APEH: variants seen among roughly 807,000 people sequenced by gnomAD.
APEH encodes acylamino-acid-releasing enzyme.
A neutral mutation model predicts 102.7 loss-of-function variants in APEH; 75 were observed. The observed-to-expected ratio is 0.73, with a 90% CI of 0.61 to 0.89. The LOEUF is 0.89. Among genes scored for constraint, APEH ranks in the 40% least tolerant of loss-of-function variants. The pLI, the probability that APEH is intolerant of heterozygous loss-of-function variation, is 0.00. For synonymous variants in APEH, 344 were observed against 362.7 expected, an observed-to-expected ratio of 0.95 and a Z score of 0.59; for missense variants, 863 against 941.2, an observed-to-expected ratio of 0.92 and a Z score of 1.09.
At chr3:49,674,443 C>T (rs777137098) in intron 1 of APEH, 30 bp downstream of exon 1, 2 of 1,572,276 alleles carry the variant, frequency 1.3e-6, no homozygotes, top group Non-Finnish European at 8.6e-7. Flanking sequence ...TCCCCGTGGT[C>T]CCTGCAGCCC....
rs995926693 is a variant in APEH, at chr3:49,679,039, G to C, written c.1158+90G>C. 7 of 1,065,308 alleles carry C rather than the reference G, an allele frequency of 6.6e-6. No individual in the cohort carries two copies. The allele number at this position is 1,065,308 out of a possible 1,614,324, so 66.0% of individuals were successfully genotyped here. A position where few individuals can be genotyped will look rare whatever the true frequency, so the allele number is the denominator to read the frequency against. Reference sequence around the variant, plus strand: ...GCATGTGCATGCCCCTGGGTGGAATGCCCAGCCACAAAGTCTCATCAGCCC... The same window carrying C: ...GCATGTGCATGCCCCTGGGTGGAATCCCCAGCCACAAAGTCTCATCAGCCC... On this transcript the variant is annotated intron_variant, in intron 12 of 21. Coordinates refer to ENST00000296456, the MANE Select transcript of APEH (RefSeq NM_001640.4). The surrounding 1 kb of genome is among the most constrained non-coding windows in gnomAD (Gnocchi z 4.3).
chr3:49,676,580 T>G (rs757793811), intron 7 of APEH, 29 bp from the exon 8 acceptor site: 4 of 1,614,108 alleles, frequency 2.5e-6, no homozygotes, highest in Admixed American at 1.7e-5. Flanking sequence ...CACCCCTTGC[T>G]CACTCCTGCC....
upstream of APEH, among the ~76,000 whole-genome samples, chr3:49,673,801 C>CCTCACG (rs3834791): frequency 0.27 from 39,700 of 145,554 alleles, 5,975 homozygotes; most frequent in African/African-American, 0.32. Flanking sequence ...CAACCCTCAC[C>CCTCACG]CTCACGCTCA....
Position 49,679,491 on chromosome 3 carries a change from C to T in APEH, c.1159-102C>T, listed in dbSNP as rs2053224697. ...ATAGCTGTCCACAGCCTTGGTCTGG[C>T]CAGGGCTCTCCAAGAGGGTAGAGAG... On this transcript the variant is annotated intron_variant, in intron 12 of 21. Transcript: ENST00000296456. This position sits in a 1 kb window ranked among gnomAD's most constrained non-coding sequence, Gnocchi z 4.3. 1.6e-6 allele frequency: 2 copies of T among 1,274,576 alleles called. No homozygotes were observed. Among genetic ancestry groups the T allele is most frequent in the Non-Finnish European group, 2.3e-6 (2 of 881,774 alleles). 79.0% of individuals were successfully genotyped at this position (1,274,576 alleles called of 1,614,324 possible). A position where few individuals can be genotyped will look rare whatever the true frequency, so the allele number is the denominator to read the frequency against.
At position 49,676,459 on chromosome 3, in the gene APEH, G is replaced by C; in HGVS notation, c.688G>C (p.Glu230Gln). 1 of 1,614,248 alleles carries C rather than the reference G, an allele frequency of 6.2e-7. No individual in the cohort carries two copies. Among genetic ancestry groups the C allele is most frequent in the Non-Finnish European group, 8.5e-7 (1 of 1,180,040 alleles). ...CCCTGTGCTCTGCGTGCTGGATGTC[G>C]AGAGTGGCAACATCTCTGTGCTTGA... Reference protein sequence around the residue: ...SIPVLCVLDVESGNISVLEGV... With the variant: ...SIPVLCVLDVQSGNISVLEGV... The change falls in exon 7 of 22, where the codon GAG becomes CAG. Residue 230 changes from glutamate to glutamine, a missense_variant. By Grantham distance (29) the Glu-to-Gln change is conservative. Coordinates refer to ENST00000296456, the MANE Select transcript of APEH (RefSeq NM_001640.4).
intron 13 of APEH, 123 bp from the exon 14 acceptor site, chr3:49,680,418 G>A: frequency 1.2e-6 from 1 of 818,510 alleles, no homozygotes; most frequent in South Asian, 1.5e-5. Context: ...TTTGTGAAAG[G>A]CACTTCTCGG....
At position 49,683,061 on chromosome 3, in the gene APEH, A is replaced by T. The variant is rs768683557; in HGVS notation, c.2008A>T (p.Met670Leu). The change falls in exon 21 of 22, where the codon ATG becomes TTG. Residue 670 changes from methionine to leucine, a missense_variant. Physicochemically the swap from Met to Leu is conservative, Grantham distance 15. Coordinates refer to ENST00000296456, the MANE Select transcript of APEH (RefSeq NM_001640.4). The part of the protein sequence containing the change: ...IPQVKTPLLL[M>L]LGQEDRRVPF... ...CCAGGTGAAGACACCACTGTTACTG[A>T]TGTTGGGCCAGGAGGACCGGCGTGT... 7.4e-6 allele frequency: 12 copies of T among 1,613,890 alleles called. No homozygotes were observed.
In APEH at chr3:49,679,637, C is replaced by T. The variant is rs769034769; in HGVS notation, c.1203C>T (p.Leu401=). 6.2e-7 allele frequency: 1 copy of T among 1,613,828 alleles called. No individual in the cohort carries two copies. The highest frequency in any genetic ancestry group is 8.5e-7 in the Non-Finnish European group (1 of 1,179,792). Residue 401 remains leucine (L), a synonymous_variant, in exon 13 of 22, where the codon CTC becomes CTT. Coordinates refer to ENST00000296456, the MANE Select transcript of APEH (RefSeq NM_001640.4). This position sits in a 1 kb window ranked among gnomAD's most constrained non-coding sequence, Gnocchi z 4.3. Reference sequence around the variant, plus strand: ...CCCAAGTGGGCACTGTGACCTCCCTCACAGCTGGTGAGCAAGGCTTTGGGG... The same window carrying T: ...CCCAAGTGGGCACTGTGACCTCCCTTACAGCTGGTGAGCAAGGCTTTGGGG... ...VDTQVGTVTS[L]TAGGSGGSWK...
At position 49,679,762 on chromosome 3, in the gene APEH, C is replaced by A; in HGVS notation, c.1210+118C>A. The A allele has an allele frequency of 9.4e-7, 1 of 1,063,120 alleles. No individual in the cohort carries two copies. Among genetic ancestry groups the A allele is most frequent in the East Asian group, 2.6e-5 (1 of 38,844 alleles). The allele number at this position is 1,063,120 out of a possible 1,614,324, so 65.9% of individuals were successfully genotyped here. A position where few individuals can be genotyped will look rare whatever the true frequency, so the allele number is the denominator to read the frequency against. ...GATGGCATTCTCAGCCACTCAGCACCACTGACTGTTCCACAGCCTTTACTA... is the reference window on the plus strand; with the variant it reads ...GATGGCATTCTCAGCCACTCAGCACAACTGACTGTTCCACAGCCTTTACTA... On this transcript the variant is annotated intron_variant, in intron 13 of 21. Coordinates refer to ENST00000296456, the MANE Select transcript of APEH (RefSeq NM_001640.4). The surrounding 1 kb of genome is among the most constrained non-coding windows in gnomAD (Gnocchi z 4.3).
At position 49,678,922 on chromosome 3, in the gene APEH, C is replaced by CT; in HGVS notation, c.1134dup (p.Asp379Ter). 1 of 1,613,874 alleles carries CT rather than the reference C, an allele frequency of 6.2e-7. No homozygotes were observed. Among genetic ancestry groups the CT allele is most frequent in the Non-Finnish European group, 8.5e-7 (1 of 1,179,948 alleles). On this transcript the variant is annotated frameshift_variant, in exon 12 of 22. Transcript: ENST00000296456. LOFTEE classifies it high-confidence loss of function. The stretch of plus-strand genomic sequence containing the variant: ...GGTCAGCTGACAGCCAGAGAGTGGT[C>CT]TTTGACTCGGCTCAGCGCAGCCGGC...
intron 10 of APEH, among the ~76,000 whole-genome samples, chr3:49,677,354 C>G (rs1367753083): frequency 6.6e-6 from 1 of 152,200 alleles, no homozygotes; most frequent in Non-Finnish European, 1.5e-5. Flanking sequence ...AGACCCTCCC[C>G]AGGAAGAGCT....
chr3:49,673,598 C>T (rs1341755089), upstream of APEH, among the ~76,000 whole-genome samples: 1 of 152,154 alleles, frequency 6.6e-6, no homozygotes, highest in Non-Finnish European at 1.5e-5. Context: ...GCCCCTCTGC[C>T]CCGCACCCCA....
chr3:49,681,251 C>T lies in APEH; in HGVS notation c.1438+12C>T. ...GAATGTGCAGTATGGTGAGCTGGGC[C>T]AGGGGCAGAGGGATGCCTTCTCCAG... is the stretch of plus-strand genomic sequence containing the variant. On this transcript the variant is annotated intron_variant, in intron 15 of 21. Transcript: ENST00000296456. The T allele has an allele frequency of 6.5e-7, 1 of 1,549,502 alleles. No homozygotes were observed.
Position 49,683,282 on chromosome 3 carries a change from G to A in APEH, c.2139G>A (p.Glu713=), listed in dbSNP as rs770423271. The A allele has an allele frequency of 1.9e-6, 3 of 1,614,060 alleles. No homozygotes were observed. The Admixed American group carries it at 5.0e-5, about 27-fold the overall frequency. Residue 713 remains glutamate, a synonymous_variant, in exon 22 of 22, where the codon GAG becomes GAA. Transcript: ENST00000296456. Reference sequence around the variant, plus strand: ...GCACCCACGCATTATCAGAGGTGGAGGTGGAGTCAGACAGCTTCATGAATG... The same window carrying A: ...GCACCCACGCATTATCAGAGGTGGAAGTGGAGTCAGACAGCTTCATGAATG... ...PKSTHALSEV[E]VESDSFMNAV...
At chr3:49,682,073 C>T (rs1335120337) in intron 17 of APEH, 106 bp downstream of exon 17, 6 of 1,300,914 alleles carry the variant, frequency 4.6e-6, no homozygotes, top group Non-Finnish European at 5.5e-6. Flanking sequence ...CCAGGACTTT[C>T]TCTAGCCTAG....
chr3:49,674,729 G>A (rs901409648), intron 2 of APEH, 108 bp downstream of exon 2: 39 of 1,429,144 alleles, frequency 2.7e-5, no homozygotes, highest in Non-Finnish European at 3.4e-5. Flanking sequence ...TATATAGGGA[G>A]CCGGCCTGGA....
chr3:49,674,115 G>C, upstream of APEH: 2 of 457,480 alleles, frequency 4.4e-6, no homozygotes. Context: ...CCCTCGGTAA[G>C]AGGCCCAGGA....
chr3:49,676,247 G>A (rs371914233), intron 6 of APEH, 28 bp downstream of exon 6: 235 of 1,612,202 alleles, frequency 1.5e-4, no homozygotes, highest in Non-Finnish European at 1.3e-4. Flanking sequence ...ACGAAGGCCC[G>A]GCAGGGCAGC....
upstream of APEH, chr3:49,674,127 T>C (rs2052897144): frequency 1.9e-6 from 1 of 516,644 alleles, no homozygotes; most frequent in Non-Finnish European, 3.4e-6. Context: ...GGCCCAGGAC[T>C]CAGCCCACGG....
Sources: allele counts gnomAD v4.1 joint callset (sites outside exome capture counted in the v4.1 genomes callset), GRCh38; gene constraint gnomAD v4.1.1; non-coding constraint Gnocchi (gnomAD v3.1); transcripts MANE v1.5; gene names NCBI Gene and HGNC (gene_info 2026-07-23, HGNC 2026-07-21).